Variants in KIAA0825 observed in about 807,000 individuals in gnomAD.
KIAA0825 encodes the protein uncharacterized protein KIAA0825.
In KIAA0825, 119 loss-of-function variants were observed where a neutral mutation model predicts 147.6. The observed-to-expected ratio is 0.81, with a 90% CI of 0.69 to 0.94. The LOEUF is 0.94. Ranked by LOEUF, KIAA0825 falls within the 40% of genes least tolerant of loss-of-function variation. The probability of loss-of-function intolerance (pLI) is 0.00; values close to 1 mark genes in which losing one functional copy is unlikely to be tolerated. For synonymous variants in KIAA0825, 470 were observed against 518.1 expected (o/e 0.91, Z 1.26); for missense variants, 1,381 against 1,472.7 (o/e 0.94, Z 1.02).
chr5:94,191,958 A>G (rs1770712393), intron 20 of KIAA0825, among the ~76,000 whole-genome samples: 1 of 152,250 alleles, frequency 6.6e-6, no homozygotes, highest in African/African-American at 2.4e-5. Context: ...GTGAATTAAA[A>G]AATCAATCGT....
At chr5:94,538,768 C>T (rs111785213) in intron 2 of KIAA0825, among the ~76,000 whole-genome samples, 288 of 152,282 alleles carry the variant, frequency 1.9e-3, no homozygotes, top group African/African-American at 6.5e-3. Flanking sequence ...TCCTATAACG[C>T]CAGAGCAGGA....
At chr5:94,401,500 A>C (rs746170516) in intron 16 of KIAA0825, among the ~76,000 whole-genome samples, 3 of 152,090 alleles carry the variant, frequency 2.0e-5, no homozygotes, top group Non-Finnish European at 2.9e-5. Context: ...CTAATTCATT[A>C]CTGTGTGCTG....
chr5:94,166,655 G>A (rs372806294), intron 20 of KIAA0825, among the ~76,000 whole-genome samples: 210 of 151,020 alleles, frequency 1.4e-3, no homozygotes, highest in African/African-American at 4.9e-3. Context: ...TTACAGGCAC[G>A]CACCACCATG....
chr5:94,442,663 A>G (rs982517987), intron 13 of KIAA0825, among the ~76,000 whole-genome samples: 1 of 152,186 alleles, frequency 6.6e-6, no homozygotes, highest in African/African-American at 2.4e-5. Flanking sequence ...CTTGGGGTTC[A>G]ATGGATGAAA....
chr5:94,608,899 T>C (rs981612528), intron 1 of KIAA0825, among the ~76,000 whole-genome samples: 6 of 152,072 alleles, frequency 3.9e-5, no homozygotes, highest in Admixed American at 1.3e-4. Context: ...TGAAATCTAT[T>C]AAGATTTGGA....
At position 94,542,042 on chromosome 5, in the gene KIAA0825, C is replaced by G. The variant is rs117274310; in HGVS notation, c.-1-4915G>C. Among the ~76,000 whole-genome samples, 358 of 152,218 alleles carry G rather than the reference C, an allele frequency of 2.4e-3. 7 individuals carry two copies. Among genetic ancestry groups the G allele is most frequent in the East Asian group, 0.023 (121 of 5,182 alleles). ...AATTATGTTTTTAACTGTGACTGTC[C>G]TAAGATGTTTTGTCATCCACAGACA... On this transcript the variant is annotated intron_variant, in intron 2 of 20. Coordinates refer to ENST00000682413, the MANE Select transcript of KIAA0825 (RefSeq NM_001145678.3).
chr5:94,207,992 G>A (rs745793681), intron 20 of KIAA0825, among the ~76,000 whole-genome samples: 4 of 152,024 alleles, frequency 2.6e-5, no homozygotes, highest in Non-Finnish European at 5.9e-5. Flanking sequence ...AAGTTCCTGT[G>A]TTTTTGTTTT....
At chr5:94,429,922 T>C (rs1387031086) in intron 14 of KIAA0825, among the ~76,000 whole-genome samples, 1 of 152,116 alleles carries the variant, frequency 6.6e-6, no homozygotes, top group Non-Finnish European at 1.5e-5. Context: ...GGGCGTGAAG[T>C]AGAAAGGCTT....
In KIAA0825 at chr5:94,381,007, C is replaced by T. The variant is rs182567975; in HGVS notation, c.3710+3361G>A. On this transcript the variant is annotated intron_variant, in intron 20 of 20. Transcript: ENST00000682413. ...AGATCTCCTCTTTCATGTGTCTGAG[C>T]GGTCCCTCAAGTCTTTATCTCCTGG... Among the ~76,000 whole-genome samples, 20 of 152,270 alleles carry T rather than the reference C, an allele frequency of 1.3e-4. No individual in the cohort carries two copies. In the East Asian group the frequency reaches 3.1e-3, roughly 24 times the overall value.
intron 20 of KIAA0825, among the ~76,000 whole-genome samples, chr5:94,228,863 A>G (rs1774440817): frequency 6.6e-6 from 1 of 152,224 alleles, no homozygotes; most frequent in Non-Finnish European, 1.5e-5. Flanking sequence ...CAGATTGAAA[A>G]TAATATTTTT....
At chr5:94,277,789 A>T (rs1777285253) in intron 20 of KIAA0825, among the ~76,000 whole-genome samples, 1 of 152,220 alleles carries the variant, frequency 6.6e-6, no homozygotes, top group South Asian at 2.1e-4. Flanking sequence ...ATTATAAATC[A>T]TGCTACTATA....
intron 2 of KIAA0825, chr5:94,569,611 A>G: frequency 2.6e-6 from 1 of 381,256 alleles, no homozygotes; most frequent in Middle Eastern, 7.2e-4. Context: ...TCCCCACTCC[A>G]TCTAACATCT....
Position 94,167,990 on chromosome 5 carries a change from G to A in KIAA0825, c.3711-13866C>T, listed in dbSNP as rs547643890. 2.0e-3 allele frequency among the ~76,000 whole-genome samples: 297 copies of A among 149,580 alleles called. 1 individual carries two copies. The highest frequency in any genetic ancestry group is 3.5e-3 in the Non-Finnish European group (237 of 67,396). Reference sequence around the variant, plus strand: ...AAATATCTCACAATTTGCTACTATGGTACACTACTTAGAACCCCCGAAACC... The same window carrying A: ...AAATATCTCACAATTTGCTACTATGATACACTACTTAGAACCCCCGAAACC... On this transcript the variant is annotated intron_variant, in intron 20 of 20. Coordinates refer to ENST00000682413, the MANE Select transcript of KIAA0825 (RefSeq NM_001145678.3).
intron 20 of KIAA0825, among the ~76,000 whole-genome samples, chr5:94,264,598 C>A (rs1461697101): frequency 6.6e-6 from 1 of 152,086 alleles, no homozygotes; most frequent in Non-Finnish European, 1.5e-5. Context: ...ATGTCAATTT[C>A]TGAACTTTTG....
rs1035210520 is a variant in KIAA0825, at chr5:94,152,095, T to C, written c.*1912A>G. Among the ~76,000 whole-genome samples the C allele has an allele frequency of 3.3e-5, 5 of 152,248 alleles. No homozygotes were observed. The highest frequency in any genetic ancestry group is 7.3e-5 in the Non-Finnish European group (5 of 68,042). ...AAAAACACTTGGTTTATGATTATAC[T>C]GGCCAACTAAAGTACATTTTTTAAA... On this transcript the variant is annotated 3_prime_UTR_variant, in exon 21 of 21. Coordinates refer to ENST00000682413, the MANE Select transcript of KIAA0825 (RefSeq NM_001145678.3).
At chr5:94,381,889 A>G (rs1400685835) in intron 20 of KIAA0825, among the ~76,000 whole-genome samples, 3 of 152,162 alleles carry the variant, frequency 2.0e-5, no homozygotes, top group African/African-American at 7.2e-5. Context: ...TGCTTATTAT[A>G]TGAACGTTGA....
At chr5:94,489,165 A>G (rs1763408319) in intron 5 of KIAA0825, among the ~76,000 whole-genome samples, 1 of 152,142 alleles carries the variant, frequency 6.6e-6, no homozygotes, top group Non-Finnish European at 1.5e-5. Context: ...AGACCCCTTT[A>G]AGAAACTAAG....
chr5:94,181,279 T>C (rs1248484329), intron 20 of KIAA0825, among the ~76,000 whole-genome samples: 1 of 152,222 alleles, frequency 6.6e-6, no homozygotes, highest in Non-Finnish European at 1.5e-5. Flanking sequence ...TAGCAGTTCA[T>C]ATTTCACAGG....
At chr5:94,205,294 TA>T (rs1193068224) in intron 20 of KIAA0825, among the ~76,000 whole-genome samples, 1 of 142,982 alleles carries the variant, frequency 7.0e-6, no homozygotes, top group Non-Finnish European at 1.5e-5. Context: ...TATATATATA[TA>T]TATATTTTGT....
Sources: allele counts gnomAD v4.1 joint callset (sites outside exome capture counted in the v4.1 genomes callset), GRCh38; gene constraint gnomAD v4.1.1; transcripts MANE v1.5; gene names NCBI Gene and HGNC (gene_info 2026-07-23, HGNC 2026-07-21).